Variants in BAHCC1 observed in about 807,000 individuals in gnomAD.
BAHCC1 encodes the protein BAH domain and coiled-coil containing 1.
Under a neutral mutation model 88.2 loss-of-function variants are expected in BAHCC1, and 43 were observed. That is an observed-to-expected ratio of 0.49 (90% CI 0.38 to 0.63). The LOEUF is 0.63. Among genes scored for constraint, BAHCC1 ranks in the 20% least tolerant of loss-of-function variants. The pLI, the probability that BAHCC1 is intolerant of heterozygous loss-of-function variation, is 0.00. For synonymous variants in BAHCC1, 1,510 were observed against 745.5 expected (o/e 2.03, Z -16.71); for missense variants, 3,023 against 1,654.8 (o/e 1.83, Z -14.34).
rs558054034 is a variant in BAHCC1, at chr17:81,403,943, G to A, written c.178+4026G>A. 5.9e-5 allele frequency among the ~76,000 whole-genome samples: 9 copies of A among 152,344 alleles called. No homozygotes were observed. The East Asian group carries it at 7.7e-4, about 13-fold the overall frequency. ...CGTCTGATTATCCCGGTACGGAGCCGCCGCGCTTTCTGTAGGAATATCCAG... is the reference window on the plus strand; with the variant it reads ...CGTCTGATTATCCCGGTACGGAGCCACCGCGCTTTCTGTAGGAATATCCAG... On this transcript the variant is annotated intron_variant, in intron 2 of 27. Coordinates refer to ENST00000675386, the MANE Select transcript of BAHCC1 (RefSeq NM_001377448.1).
chr17:81,457,399 C>T lies in BAHCC1; in HGVS notation c.4859-11C>T, dbSNP rs1555657562. 3 of 763,120 alleles carry T rather than the reference C, an allele frequency of 3.9e-6. No homozygotes were observed. The highest frequency in any genetic ancestry group is 2.4e-6 in the Non-Finnish European group (1 of 410,344). The allele number at this position is 763,120 out of a possible 1,614,324, so 47.3% of individuals were successfully genotyped here. On this transcript the variant is annotated splice_polypyrimidine_tract_variant and intron_variant, in intron 16 of 27. Transcript: ENST00000675386. ...CATCAAGTCATCAGGACCCCTCTGCCTCTCTCCCAGGCAGTGGCTATGACA... is the reference window on the plus strand; with the variant it reads ...CATCAAGTCATCAGGACCCCTCTGCTTCTCTCCCAGGCAGTGGCTATGACA...
At chr17:81,463,425 C>G (rs148587978) in intron 27 of BAHCC1, among the ~76,000 whole-genome samples, 186 bp from the exon 28 acceptor site, 1 of 152,212 alleles carries the variant, frequency 6.6e-6, no homozygotes, top group African/African-American at 2.4e-5. Flanking sequence ...GCAGGTTCCT[C>G]GGCCTCTGGA....
At chr17:81,422,150 T>C (rs533448416) in intron 2 of BAHCC1, among the ~76,000 whole-genome samples, 40 of 152,260 alleles carry the variant, frequency 2.6e-4, no homozygotes, top group African/African-American at 8.7e-4. Context: ...TAGCTGGGAT[T>C]ACAGGTGCGC....
chr17:81,435,489 G>A lies in BAHCC1; in HGVS notation c.359-2881G>A, dbSNP rs781969045. ...GTCCTGACCACCTCTCTGGCGGTTC[G>A]CTTAGCCCAGGGCTTGCCCTTGTCT... On this transcript the variant is annotated intron_variant, in intron 3 of 27. Coordinates refer to ENST00000675386, the MANE Select transcript of BAHCC1 (RefSeq NM_001377448.1). This position sits in a 1 kb window ranked among gnomAD's most constrained non-coding sequence, Gnocchi z 4.4. 15 of 470,960 alleles carry A rather than the reference G, an allele frequency of 3.2e-5. 1 individual carries two copies. Among genetic ancestry groups the A allele is most frequent in the South Asian group, 1.9e-4 (12 of 64,568 alleles). 29.2% of individuals were successfully genotyped at this position (470,960 alleles called of 1,614,324 possible).
At position 81,442,026 on chromosome 17, in the gene BAHCC1, G is replaced by A. The variant is rs1555652622; in HGVS notation, c.677G>A (p.Arg226Lys). ...TTCCTCGTGGGCAAAGAGCTGGGCA[G>A]AGAGAAGGCGGGCAAGGCCGCTGAG... ...DRFLVGKELG[R>K]EKAGKAAEGK... The change falls in exon 5 of 28, where the codon AGA becomes AAA. Residue 226 changes from arginine (R) to lysine (K), a missense_variant. Physicochemically the swap from Arg to Lys is conservative, Grantham distance 26 (BLOSUM62 2). Transcript: ENST00000675386. 4.1e-6 allele frequency: 3 copies of A among 724,512 alleles called. No individual in the cohort carries two copies. The allele number at this position is 724,512 out of a possible 1,614,324, so 44.9% of individuals were successfully genotyped here.
In BAHCC1 at chr17:81,447,021, T is replaced by TC. The variant is rs781956084; in HGVS notation, c.3164-11dup. The TC allele has an allele frequency of 1.3e-6, 1 of 778,748 alleles. No homozygotes were observed. Among genetic ancestry groups the TC allele is most frequent in the Non-Finnish European group, 2.4e-6 (1 of 417,880 alleles). 48.2% of individuals were successfully genotyped at this position (778,748 alleles called of 1,614,324 possible). The stretch of plus-strand genomic sequence containing the variant: ...CCACTCCCAGCTCCCTGCTGACCTG[T>TC]CCCCTCCTTTGCAGACCTGCCTCCC... On this transcript the variant is annotated splice_polypyrimidine_tract_variant and intron_variant, in intron 10 of 27. Coordinates refer to ENST00000675386, the MANE Select transcript of BAHCC1 (RefSeq NM_001377448.1).
At chr17:81,406,775 T>C (rs2063885553) in intron 2 of BAHCC1, 1 of 414,934 alleles carries the variant, frequency 2.4e-6, no homozygotes, top group South Asian at 1.7e-5. Context: ...TGGCAGGCGC[T>C]GGGGGCAGGC....
intron 2 of BAHCC1, among the ~76,000 whole-genome samples, chr17:81,425,071 TTGGTGGGTGATGTGGTTGGTGGTGATAG>T: frequency 1.7e-5 from 1 of 60,204 alleles, no homozygotes; most frequent in African/African-American, 7.2e-5. Flanking sequence ...GGTGATGTGG[TTGGTGGGTGATGTGGTTGGTGGTGATAG>T]TGGTGGGTGA....
intron 25 of BAHCC1, 69 bp downstream of exon 25, chr17:81,460,775 G>T (rs782671611): frequency 5.2e-6 from 4 of 774,268 alleles, no homozygotes; most frequent in African/African-American, 5.1e-5. Flanking sequence ...GAACCAGGAG[G>T]CCCGTGGGGT....
rs79762901 is a variant in BAHCC1 at position 81,424,159 on chromosome 17, G to A, written c.179-2641G>A. ...TTCTCCCTCTGCTCGCCTGAGACTGGGGCACTCCTGTCTGACAAGTCAGTT... is the reference window on the plus strand; with the variant it reads ...TTCTCCCTCTGCTCGCCTGAGACTGAGGCACTCCTGTCTGACAAGTCAGTT... On this transcript the variant is annotated intron_variant, in intron 2 of 27. Coordinates refer to ENST00000675386, the MANE Select transcript of BAHCC1 (RefSeq NM_001377448.1). Among the ~76,000 whole-genome samples the A allele has an allele frequency of 4.8e-3, 725 of 152,300 alleles. 5 individuals carry two copies. The highest frequency in any genetic ancestry group is 0.017 in the African/African-American group (694 of 41,566).
chr17:81,462,449 T>G, intron 26 of BAHCC1: 1 of 505,934 alleles, frequency 2.0e-6, no homozygotes, highest in East Asian at 3.3e-5. Context: ...TCTTTTGCCT[T>G]CGTAAATAAC....
chr17:81,451,847 A>G lies in BAHCC1; in HGVS notation c.4156A>G (p.Thr1386Ala). 1 of 747,858 alleles carries G rather than the reference A, an allele frequency of 1.3e-6. No individual in the cohort carries two copies. The highest frequency in any genetic ancestry group is 2.4e-6 in the Non-Finnish European group (1 of 409,794). The allele number at this position is 747,858 out of a possible 1,614,324, so 46.3% of individuals were successfully genotyped here. A position where few individuals can be genotyped will look rare whatever the true frequency, so the allele number is the denominator to read the frequency against. The stretch of plus-strand genomic sequence containing the variant: ...CATGCAGATCCTGCAGCGCAAGGAC[A>G]CCTGGACCCCCAAGACCAAGCCTGT... ...PRMQILQRKDTWTPKTKPVCP... is the reference protein window; with the variant it reads ...PRMQILQRKDAWTPKTKPVCP... The change falls in exon 12 of 28, where the codon ACC becomes GCC. Residue 1386 changes from threonine (T) to alanine (A), a missense_variant. Transcript: ENST00000675386.
At chr17:81,427,394 G>T (rs1433373212) in intron 3 of BAHCC1, among the ~76,000 whole-genome samples, 1 of 152,158 alleles carries the variant, frequency 6.6e-6, no homozygotes, top group Non-Finnish European at 1.5e-5. Flanking sequence ...GGGGCGGGGA[G>T]AGCTGTCAGC....
rs1467596731 is a variant in BAHCC1 at position 81,465,905 on chromosome 17, G to A, written c.*2088G>A. ...GGTGGTTGGACGAGGTCCTGCTTGA[G>A]GCTCGGGGATCAGAACGATGTCAAG... On this transcript the variant is annotated 3_prime_UTR_variant, in exon 28 of 28. Transcript: ENST00000675386. 6.6e-6 allele frequency: 1 copy of A among 152,590 alleles called. No homozygotes were observed. The highest frequency in any genetic ancestry group is 1.5e-5 in the Non-Finnish European group (1 of 68,062). The allele number at this position is 152,590 out of a possible 1,614,324, so 9.5% of individuals were successfully genotyped here.
rs1249344706 is a variant in BAHCC1, at chr17:81,426,046, CGTG to C, written c.179-740_179-738del. On this transcript the variant is annotated intron_variant, in intron 2 of 27. Transcript: ENST00000675386. Reference sequence around the variant, plus strand: ...TGATGTGGTTGGTGGTGATGTGGCTCGTGGTGGTGGTGGTGGGTGATGTGGTTG... The same window carrying C: ...TGATGTGGTTGGTGGTGATGTGGCTCGTGGTGGTGGTGGGTGATGTGGTTG... Among the ~76,000 whole-genome samples, 7 of 2,664 alleles carry C rather than the reference CGTG, an allele frequency of 2.6e-3. No homozygotes were observed. In the South Asian group the frequency reaches 0.036, roughly 14 times the overall value. 1.7% of individuals were successfully genotyped at this position (2,664 alleles called of 152,430 possible). A position where few individuals can be genotyped will look rare whatever the true frequency, so the allele number is the denominator to read the frequency against.
chr17:81,418,265 G>C (rs75548996), intron 2 of BAHCC1, among the ~76,000 whole-genome samples: 1 of 152,196 alleles, frequency 6.6e-6, no homozygotes, highest in Non-Finnish European at 1.5e-5. Flanking sequence ...GATTGGAGAG[G>C]GTTCCAGGAC....
Position 81,461,434 on chromosome 17 carries a change from G to A in BAHCC1, c.6771G>A (p.Lys2257=), listed in dbSNP as rs1432956820. ...VHPALVGKDK[K]GRAPIPPLPM... ...CGGCCCTTGTGGGCAAGGACAAGAA[G>A]GGGCGGGCACCCATCCCCCCGCTGC... is the stretch of plus-strand genomic sequence containing the variant. The change falls in exon 26 of 28, where the codon AAG becomes AAA. Residue 2257 remains lysine (K), a synonymous_variant. Coordinates refer to ENST00000675386, the MANE Select transcript of BAHCC1 (RefSeq NM_001377448.1). 1 of 734,716 alleles carries A rather than the reference G, an allele frequency of 1.4e-6. No homozygotes were observed. The highest frequency in any genetic ancestry group is 2.5e-6 in the Non-Finnish European group (1 of 396,540). 45.5% of individuals were successfully genotyped at this position (734,716 alleles called of 1,614,324 possible).
At chr17:81,424,991 GTGATAGTGATGGGTGATGTGGTTGGTGA>G (rs2064159635) in intron 2 of BAHCC1, among the ~76,000 whole-genome samples, 1 of 149,854 alleles carries the variant, frequency 6.7e-6, no homozygotes, top group Admixed American at 6.6e-5. Context: ...GTGGTTGGTG[GTGATAGTGATGGGTGATGTGGTTGGTGA>G]TGATGTGGTT....
chr17:81,425,072 TGGTG>T (rs782590745), intron 2 of BAHCC1, among the ~76,000 whole-genome samples: 1 of 86,232 alleles, frequency 1.2e-5, no homozygotes, highest in Non-Finnish European at 2.4e-5. Flanking sequence ...GTGATGTGGT[TGGTG>T]GGTGATGTGG....
Sources: allele counts gnomAD v4.1 joint callset (sites outside exome capture counted in the v4.1 genomes callset), GRCh38; gene constraint gnomAD v4.1.1; non-coding constraint Gnocchi (gnomAD v3.1); transcripts MANE v1.5; gene names NCBI Gene and HGNC (gene_info 2026-07-23, HGNC 2026-07-21).